Variants in ATP1A4 observed in about 807,000 individuals in gnomAD.
The protein encoded by ATP1A4 is sodium/potassium-transporting ATPase subunit alpha-4.
Under a neutral mutation model 114.3 loss-of-function variants are expected in ATP1A4, and 90 were observed. The observed-to-expected ratio is 0.79, with a 90% confidence interval of 0.66 to 0.94. ATP1A4 has a LOEUF of 0.94. ATP1A4 is among the 40% of genes least tolerant of loss of function. The probability of loss-of-function intolerance (pLI) is 0.00; values close to 1 mark genes in which losing one functional copy is unlikely to be tolerated. For missense variants in ATP1A4, 1,222 were observed against 1,313.6 expected (o/e 0.93, Z 1.08); for synonymous variants, 511 against 494.1 (o/e 1.03, Z -0.45).
At chr1:160,173,792 C>T (rs1019672642) in intron 13 of ATP1A4, 75 bp downstream of exon 13, 6 of 1,545,374 alleles carry the variant, frequency 3.9e-6, no homozygotes, top group African/African-American at 1.4e-5. Flanking sequence ...TGCCACTTTA[C>T]TAAAGTTCTT....
intron 10 of ATP1A4, 175 bp from the exon 11 acceptor site, chr1:160,171,075 GA>G: frequency 1.8e-6 from 1 of 545,454 alleles, no homozygotes. Flanking sequence ...CAGTTTTCTG[GA>G]AAAAGGAGGA....
chr1:160,182,140 T>C, intron 20 of ATP1A4, 109 bp downstream of exon 20: 1 of 832,536 alleles, frequency 1.2e-6, no homozygotes, highest in Non-Finnish European at 2.1e-6. Flanking sequence ...CCTGGATACA[T>C]GGAGCTACAT....
At chr1:160,165,328 A>C (rs1652988248) in intron 7 of ATP1A4, among the ~76,000 whole-genome samples, 1 of 152,260 alleles carries the variant, frequency 6.6e-6, no homozygotes, top group Non-Finnish European at 1.5e-5. Context: ...CTAAGAATTC[A>C]TTAGCTTTTA....
Position 160,171,705 on chromosome 1 carries a change from C to G in ATP1A4, c.1802C>G (p.Pro601Arg), listed in dbSNP as rs776498078. Reference sequence around the variant, plus strand: ...GGCCTCATATCCATGATTGACCCTCCCCGAGCTGCAGTGCCTGATGCTGTG... The same window carrying G: ...GGCCTCATATCCATGATTGACCCTCGCCGAGCTGCAGTGCCTGATGCTGTG... ...FVGLISMIDPPRAAVPDAVSK... is the reference protein window; with the variant it reads ...FVGLISMIDPRRAAVPDAVSK... The change falls in exon 12 of 22, where the codon CCC (proline) becomes CGC (arginine). Residue 601 changes from proline to arginine, a missense_variant. Coordinates refer to ENST00000368081, the MANE Select transcript of ATP1A4 (RefSeq NM_144699.4). 13 of 1,614,046 alleles carry G rather than the reference C, an allele frequency of 8.1e-6. No individual in the cohort carries two copies. Among genetic ancestry groups the G allele is most frequent in the Admixed American group, 3.3e-5 (2 of 59,996 alleles).
Position 160,158,990 on chromosome 1 carries a change from A to G in ATP1A4, c.526-12A>G, listed in dbSNP as rs1303383330. On this transcript the variant is annotated splice_polypyrimidine_tract_variant and intron_variant, in intron 4 of 21. Transcript: ENST00000368081. Reference sequence around the variant, plus strand: ...AAAGTTTTGGAAATGATCCTGCACTATCCTCTCATAGCAAGCTCTGGTAAT... The same window carrying G: ...AAAGTTTTGGAAATGATCCTGCACTGTCCTCTCATAGCAAGCTCTGGTAAT... The G allele has an allele frequency of 1.2e-6, 2 of 1,612,892 alleles. No individual in the cohort carries two copies. Among genetic ancestry groups the G allele is most frequent in the Non-Finnish European group, 1.7e-6 (2 of 1,179,372 alleles).
intron 3 of ATP1A4, among the ~76,000 whole-genome samples, 193 bp from the exon 4 acceptor site, chr1:160,155,852 G>A (rs1169972345): frequency 6.6e-6 from 1 of 152,108 alleles, no homozygotes; most frequent in African/African-American, 2.4e-5. Context: ...GGCTCACCAT[G>A]GCTCAGGGTT....
rs1384456598 is a variant in ATP1A4, at chr1:160,151,854, C to T, written c.-187C>T. 10 of 600,494 alleles carry T rather than the reference C, an allele frequency of 1.7e-5. No homozygotes were observed. Among genetic ancestry groups the T allele is most frequent in the African/African-American group, 1.1e-4 (6 of 54,078 alleles). The allele number at this position is 600,494 out of a possible 1,614,324, so 37.2% of individuals were successfully genotyped here. A position where few individuals can be genotyped will look rare whatever the true frequency, so the allele number is the denominator to read the frequency against. On this transcript the variant is annotated 5_prime_UTR_variant, in exon 1 of 22. Coordinates refer to ENST00000368081, the MANE Select transcript of ATP1A4 (RefSeq NM_144699.4). Reference sequence around the variant, plus strand: ...GCTCAGTCTCTCCTCTCTCACTTCCCTTCCTCTCTCTCACCTTCACCACCC... The same window carrying T: ...GCTCAGTCTCTCCTCTCTCACTTCCTTTCCTCTCTCTCACCTTCACCACCC...
At chr1:160,179,576 C>T (rs1653607249) in intron 18 of ATP1A4, among the ~76,000 whole-genome samples, 1 of 152,160 alleles carries the variant, frequency 6.6e-6, no homozygotes, top group African/African-American at 2.4e-5. Context: ...AGCCACCCAC[C>T]CGGGAAGTGC....
intron 20 of ATP1A4, among the ~76,000 whole-genome samples, 190 bp from the exon 21 acceptor site, chr1:160,186,086 C>CCAAAAAAAAAAAAAA (rs1218192452): frequency 3.0e-5 from 1 of 32,790 alleles, no homozygotes; most frequent in African/African-American, 1.3e-4. Flanking sequence ...GACTCTGTCG[C>CCAAAAAAAAAAAAAA]AAAAAAAAAA....
chr1:160,158,863 A>T, intron 4 of ATP1A4, 139 bp from the exon 5 acceptor site: 1 of 914,356 alleles, frequency 1.1e-6, no homozygotes, highest in Non-Finnish European at 1.6e-6. Flanking sequence ...TGCCAAAGAC[A>T]CCTTCAAGAA....
rs760605371 is a variant in ATP1A4, at chr1:160,166,751, A to C, written c.1246+25A>C. ...GGTGACTAGTGGTATTGGTGGAACAAGAGTGGAGGGATTTGGGGGATGTGA... is the reference window on the plus strand; with the variant it reads ...GGTGACTAGTGGTATTGGTGGAACACGAGTGGAGGGATTTGGGGGATGTGA... On this transcript the variant is annotated intron_variant, in intron 8 of 21. Coordinates refer to ENST00000368081, the MANE Select transcript of ATP1A4 (RefSeq NM_144699.4). The C allele has an allele frequency of 4.3e-6, 7 of 1,613,776 alleles. No homozygotes were observed. In the East Asian group the frequency reaches 6.7e-5, roughly 15 times the overall value.
In ATP1A4 at chr1:160,159,236, T is replaced by A; in HGVS notation, c.660+100T>A. ...GAAAGTATAAGCTTATTACTCAGAATCTTGAGAAGTTACAAGTGCAGATTT... is the reference window on the plus strand; with the variant it reads ...GAAAGTATAAGCTTATTACTCAGAAACTTGAGAAGTTACAAGTGCAGATTT... On this transcript the variant is annotated intron_variant, in intron 5 of 21. Coordinates refer to ENST00000368081, the MANE Select transcript of ATP1A4 (RefSeq NM_144699.4). 2.7e-6 allele frequency: 4 copies of A among 1,496,710 alleles called. No homozygotes were observed. The South Asian group carries it at 5.2e-5, about 20-fold the overall frequency. 92.7% of individuals were successfully genotyped at this position (1,496,710 alleles called of 1,614,324 possible).
At position 160,166,823 on chromosome 1, in the gene ATP1A4, C is replaced by G. The variant is rs902274165; in HGVS notation, c.1246+97C>G. The G allele has an allele frequency of 3.2e-5, 49 of 1,548,468 alleles. No homozygotes were observed. In the South Asian group the frequency reaches 3.4e-4, roughly 11 times the overall value. On this transcript the variant is annotated intron_variant, in intron 8 of 21. Transcript: ENST00000368081. ...GTGAGTCCAGACAGACAGGAGGGAGCCTGAAAGTGGAGTGGAGAAGAGGGA... is the reference window on the plus strand; with the variant it reads ...GTGAGTCCAGACAGACAGGAGGGAGGCTGAAAGTGGAGTGGAGAAGAGGGA...
chr1:160,168,207 T>C (rs115737636), intron 10 of ATP1A4, among the ~76,000 whole-genome samples: 8,316 of 152,086 alleles, frequency 0.055, 278 homozygotes, highest in Non-Finnish European at 0.08. Flanking sequence ...AACAGTGACA[T>C]TATCAGAATT....
intron 2 of ATP1A4, among the ~76,000 whole-genome samples, chr1:160,153,693 T>A: frequency 6.6e-6 from 1 of 152,360 alleles, no homozygotes; most frequent in East Asian, 1.9e-4. Context: ...ATTAGCAGCA[T>A]CTTACATTTT....
chr1:160,158,446 G>A (rs1441324049), intron 4 of ATP1A4, among the ~76,000 whole-genome samples: 4 of 151,886 alleles, frequency 2.6e-5, no homozygotes, highest in Admixed American at 1.3e-4. Flanking sequence ...ATGTGATCAC[G>A]GCTCACTGCA....
chr1:160,185,207 G>T (rs1419149086), intron 20 of ATP1A4, among the ~76,000 whole-genome samples: 2 of 151,866 alleles, frequency 1.3e-5, no homozygotes, highest in Non-Finnish European at 2.9e-5. Flanking sequence ...CCGCCTCCCG[G>T]GTTCAAGTAA....
chr1:160,168,377 CTTT>C (rs11397218), intron 10 of ATP1A4, among the ~76,000 whole-genome samples: 1 of 97,034 alleles, frequency 1.0e-5, no homozygotes, highest in Non-Finnish European at 1.9e-5. Flanking sequence ...CTGCTGGTAT[CTTT>C]TTTTTTTTTT....
intron 5 of ATP1A4, 41 bp downstream of exon 5, chr1:160,159,177 A>T (rs770468722): frequency 2.5e-5 from 40 of 1,598,564 alleles, no homozygotes; most frequent in Non-Finnish European, 3.4e-5. Flanking sequence ...CCCAAGCGTG[A>T]TCTCATGGCA....
Sources: gnomAD v4.1 joint callset for allele counts (sites outside exome capture counted in the v4.1 genomes callset) on GRCh38, gnomAD v4.1.1 for gene constraint, MANE v1.5 for transcripts, NCBI Gene and HGNC (gene_info 2026-07-23, HGNC 2026-07-21) for gene names.